Variants in RAB3GAP2 observed in about 807,000 individuals in gnomAD.
RAB3GAP2 encodes rab3 GTPase-activating protein non-catalytic subunit.
A neutral mutation model predicts 185.3 loss-of-function variants in RAB3GAP2; 87 were observed. That is an observed-to-expected ratio of 0.47 (90% CI 0.39 to 0.56). RAB3GAP2 has a LOEUF of 0.56. RAB3GAP2 is among the 20% of genes least tolerant of loss of function. RAB3GAP2 has a pLI of 0.00. For missense variants in RAB3GAP2, 1,492 were observed against 1,638.2 expected (o/e 0.91, Z 1.54); for synonymous variants, 554 against 576.1 (o/e 0.96, Z 0.55).
At position 220,171,174 on chromosome 1, in the gene RAB3GAP2, C is replaced by T. The variant is rs1286090069; in HGVS notation, c.2578-54G>A. On this transcript the variant is annotated intron_variant, in intron 23 of 34. Transcript: ENST00000358951. ...GCCAAAGATTCTGAATCAATATTAA[C>T]TTGAATGAGCTTTTAACTTGAAAGC... 31 of 1,485,014 alleles carry T rather than the reference C, an allele frequency of 2.1e-5. No individual in the cohort carries two copies. In the East Asian group the frequency reaches 7.0e-4, roughly 34 times the overall value. 92.0% of individuals were successfully genotyped at this position (1,485,014 alleles called of 1,614,324 possible).
At chr1:220,177,141 A>G (rs963771272) in intron 21 of RAB3GAP2, among the ~76,000 whole-genome samples, 8 of 152,234 alleles carry the variant, frequency 5.3e-5, no homozygotes, top group African/African-American at 1.7e-4. Flanking sequence ...GTCCCTGGCC[A>G]GTATTCCCAA....
At chr1:220,212,829 C>A in intron 4 of RAB3GAP2, 58 bp downstream of exon 4, 1 of 1,360,484 alleles carries the variant, frequency 7.4e-7, no homozygotes, top group South Asian at 1.2e-5. Context: ...ACCTACAAGT[C>A]AAATAATTTC....
In RAB3GAP2 at chr1:220,157,872, A is replaced by G; in HGVS notation, c.3266T>C (p.Val1089Ala). Residue 1089 changes from valine to alanine, a missense_variant, in exon 30 of 35, where the codon GTG becomes GCG. Val to Ala is a moderately conservative substitution (Grantham distance 64, BLOSUM62 0). This residue lies in a region of RAB3GAP2 where 387 missense variants were observed against 455.3 expected (regional missense o/e 0.85). Coordinates refer to ENST00000358951, the MANE Select transcript of RAB3GAP2 (RefSeq NM_012414.4). ...TGTCATTGCTGTGTCACTCATTCCC[A>G]CATCCTGTTTTTTAAAAAGGAACGT... Reference protein sequence around the residue: ...SPKDRLCRRDVGMSDTAMTSF... With the variant: ...SPKDRLCRRDAGMSDTAMTSF... The G allele has an allele frequency of 6.2e-7, 1 of 1,612,886 alleles. No homozygotes were observed. The highest frequency in any genetic ancestry group is 8.5e-7 in the Non-Finnish European group (1 of 1,178,988).
chr1:220,170,874 A>G lies in RAB3GAP2; in HGVS notation c.2806+18T>C. ...CATAAAAAAATGGATGCAAATGCTC[A>G]AATAAACTTCAGCTTACCTTTTCCT... is the stretch of plus-strand genomic sequence containing the variant. On this transcript the variant is annotated intron_variant, in intron 24 of 34. Coordinates refer to ENST00000358951, the MANE Select transcript of RAB3GAP2 (RefSeq NM_012414.4). The G allele has an allele frequency of 6.3e-7, 1 of 1,593,388 alleles. No homozygotes were observed.
chr1:220,163,438 C>T (rs890006600), intron 27 of RAB3GAP2, among the ~76,000 whole-genome samples: 1 of 150,194 alleles, frequency 6.7e-6, no homozygotes, highest in Admixed American at 6.7e-5. Flanking sequence ...TCTCTGCTCA[C>T]TGCAAGCTCC....
chr1:220,182,321 T>C lies in RAB3GAP2; in HGVS notation c.2246A>G (p.Glu749Gly). Residue 749 changes from glutamate to glycine, a missense_variant, in exon 21 of 35, where the codon GAA (glutamate) becomes GGA (glycine). Physicochemically the swap from Glu to Gly is moderately conservative, Grantham distance 98. Transcript: ENST00000358951. Reference sequence around the variant, plus strand: ...GTGACACATATCCTCAGTGGAGCTTTCTCCATGCAAACACTTCCAAAAAAA... The same window carrying C: ...GTGACACATATCCTCAGTGGAGCTTCCTCCATGCAAACACTTCCAAAAAAA... The part of the protein sequence containing the change: ...SFFFWKCLHG[E>G]SSTEDMCHTL... The C allele has an allele frequency of 6.2e-7, 1 of 1,614,048 alleles. No individual in the cohort carries two copies. Among genetic ancestry groups the C allele is most frequent in the South Asian group, 1.1e-5 (1 of 91,082 alleles).
chr1:220,261,384 T>C (rs1415446898), intron 1 of RAB3GAP2, among the ~76,000 whole-genome samples: 1 of 152,216 alleles, frequency 6.6e-6, no homozygotes, highest in Admixed American at 6.5e-5. Flanking sequence ...ACTGTCACTG[T>C]GTATACTATA....
intron 33 of RAB3GAP2, among the ~76,000 whole-genome samples, chr1:220,152,628 G>A (rs567873639): frequency 3.9e-4 from 59 of 152,290 alleles, no homozygotes; most frequent in African/African-American, 1.4e-3. Context: ...CTCCTTGGGG[G>A]CTCGGTTCAA....
intron 1 of RAB3GAP2, chr1:220,267,847 GT>G: frequency 9.2e-7 from 1 of 1,082,596 alleles, no homozygotes. Flanking sequence ...ACGAGAACAT[GT>G]TCTGGACCTC....
Position 220,250,247 on chromosome 1 carries a change from T to C in RAB3GAP2, c.116-17384A>G, listed in dbSNP as rs186863765. Among the ~76,000 whole-genome samples the C allele has an allele frequency of 4.5e-3, 678 of 152,290 alleles. 9 individuals carry two copies. The highest frequency in any genetic ancestry group is 4.5e-3 in the Non-Finnish European group (309 of 68,026). ...GCTCACCTCTTGCATGAGTGTGACA[T>C]GGACGTGAGACATGGAGTCAAAAGA... On this transcript the variant is annotated intron_variant, in intron 1 of 34. Transcript: ENST00000358951.
intron 1 of RAB3GAP2, among the ~76,000 whole-genome samples, chr1:220,243,766 A>T (rs1294572479): frequency 1.3e-5 from 2 of 152,254 alleles, no homozygotes; most frequent in Non-Finnish European, 2.9e-5. Flanking sequence ...TCAAAGCTAT[A>T]GAGCTATACA....
At chr1:220,262,280 G>A (rs146866883) in intron 1 of RAB3GAP2, among the ~76,000 whole-genome samples, 2,802 of 152,048 alleles carry the variant, frequency 0.018, 77 homozygotes, top group Admixed American at 0.077. Flanking sequence ...CAGCCTGGGC[G>A]ACAGAGCAAG....
intron 1 of RAB3GAP2, chr1:220,254,148 TC>T (rs2102525867): frequency 6.2e-7 from 1 of 1,613,824 alleles, no homozygotes; most frequent in Non-Finnish European, 8.5e-7. Flanking sequence ...TGGATTCCAT[TC>T]TTGAGGATTA....
chr1:220,206,608 C>A (rs1658972429), intron 7 of RAB3GAP2, among the ~76,000 whole-genome samples: 1 of 152,190 alleles, frequency 6.6e-6, no homozygotes, highest in Non-Finnish European at 1.5e-5. Context: ...CTCCACACAG[C>A]CAGTGTGCTC....
chr1:220,190,144 T>A lies in RAB3GAP2; in HGVS notation c.1634A>T (p.Asp545Val). 6.2e-7 allele frequency: 1 copy of A among 1,609,940 alleles called. No homozygotes were observed. The highest frequency in any genetic ancestry group is 8.5e-7 in the Non-Finnish European group (1 of 1,176,324). ...ATCCTTGGCTCGTTCACTCTTCTTATCACTAAACCAATAAATATAACAAAT... is the reference window on the plus strand; with the variant it reads ...ATCCTTGGCTCGTTCACTCTTCTTAACACTAAACCAATAAATATAACAAAT... Reference protein sequence around the residue: ...VNVPFHLALSDKKSERAKDMH... With the variant: ...VNVPFHLALSVKKSERAKDMH... Residue 545 changes from aspartate to valine, a missense_variant and splice_region_variant, in exon 16 of 35, where the codon GAT (aspartate) becomes GTT (valine). This residue lies in a region of RAB3GAP2 where 681 missense variants were observed against 689.1 expected (regional missense o/e 0.99). Coordinates refer to ENST00000358951, the MANE Select transcript of RAB3GAP2 (RefSeq NM_012414.4).
intron 2 of RAB3GAP2, among the ~76,000 whole-genome samples, chr1:220,229,062 G>A (rs1476403510): frequency 6.6e-6 from 1 of 152,090 alleles, no homozygotes; most frequent in Admixed American, 6.6e-5. Flanking sequence ...TATCCTTGCT[G>A]AAAAAAGAAG....
intron 1 of RAB3GAP2, among the ~76,000 whole-genome samples, chr1:220,251,770 T>C (rs539422255): frequency 2.0e-5 from 3 of 152,188 alleles, no homozygotes; most frequent in South Asian, 2.1e-4. Context: ...AGCAAAAATA[T>C]CAGAAATAAC....
At chr1:220,262,389 A>C (rs541859325) in intron 1 of RAB3GAP2, among the ~76,000 whole-genome samples, 1 of 152,308 alleles carries the variant, frequency 6.6e-6, no homozygotes, top group South Asian at 2.1e-4. Context: ...AGTAGTGTTA[A>C]GTGTACTCAC....
In RAB3GAP2 at chr1:220,188,688, G is replaced by A. The variant is rs111556432; in HGVS notation, c.1779+1015C>T. On this transcript the variant is annotated intron_variant, in intron 17 of 34. Coordinates refer to ENST00000358951, the MANE Select transcript of RAB3GAP2 (RefSeq NM_012414.4). ...CACACCCTAGCAATTCCACTCTTAG[G>A]TATAAACGCCAGAGAGACTCTTGCA... 3.5e-3 allele frequency among the ~76,000 whole-genome samples: 531 copies of A among 152,262 alleles called. 2 individuals are homozygous for A. The highest frequency in any genetic ancestry group is 0.012 in the African/African-American group (503 of 41,564).
Sources: allele counts gnomAD v4.1 joint callset (sites outside exome capture counted in the v4.1 genomes callset), GRCh38; gene constraint gnomAD v4.1.1; regional missense constraint gnomAD v4.1.1; transcripts MANE v1.5; gene names NCBI Gene and HGNC (gene_info 2026-07-23, HGNC 2026-07-21).